The following DNAH12 variants were observed in gnomAD, a reference collection of about 807,000 sequenced individuals.
The protein encoded by DNAH12 is dynein axonemal heavy chain 12.
Under a neutral mutation model 371.5 loss-of-function variants are expected in DNAH12, and 285 were observed. The ratio of observed to expected loss-of-function variants is 0.77; its 90% CI spans 0.70 to 0.85. The LOEUF is 0.85. Ranked by LOEUF, DNAH12 falls within the 40% of genes least tolerant of loss-of-function variation. The pLI is 0.00. For synonymous variants in DNAH12, 1,200 were observed against 1,213.0 expected (o/e 0.99, Z 0.22); for missense variants, 3,611 against 3,689.4 (o/e 0.98, Z 0.55).
chr3:57,305,874 C>G (rs2061459067), intron 69 of DNAH12, among the ~76,000 whole-genome samples: 1 of 152,188 alleles, frequency 6.6e-6, no homozygotes, highest in African/African-American at 2.4e-5. Context: ...AGCCACGTCT[C>G]CAGCACACAA....
chr3:57,304,757 C>A (rs1026619862), intron 69 of DNAH12, among the ~76,000 whole-genome samples: 5 of 152,194 alleles, frequency 3.3e-5, no homozygotes, highest in Non-Finnish European at 5.9e-5. Flanking sequence ...ACCCCCCGAC[C>A]CCTTTTCTCC....
At chr3:57,442,896 G>T (rs2065353931) in intron 29 of DNAH12, among the ~76,000 whole-genome samples, 1 of 152,104 alleles carries the variant, frequency 6.6e-6, no homozygotes, top group Non-Finnish European at 1.5e-5. Context: ...CAAACAAAAA[G>T]ATTTTGCAGT....
the DNAH12 span, among the ~76,000 whole-genome samples, chr3:57,552,295 A>T: frequency 6.6e-6 from 1 of 151,612 alleles, no homozygotes; most frequent in Non-Finnish European, 1.5e-5. Context: ...GGGCTCAAAC[A>T]ATCCTCCCGT....
chr3:57,302,058 C>T (rs1029484197), intron 69 of DNAH12, 119 bp from the exon 70 acceptor site: 1 of 1,030,724 alleles, frequency 9.7e-7, no homozygotes, highest in East Asian at 2.6e-5. Flanking sequence ...CAAAATGTGT[C>T]ACCTCCCATG....
At chr3:57,363,454 T>C (rs2153330352) in intron 58 of DNAH12, 140 bp downstream of exon 58, 1 of 152,320 alleles carries the variant, frequency 6.6e-6, no homozygotes, top group Admixed American at 6.5e-5. Context: ...ATTTATGTTT[T>C]GGTATTTTAT....
chr3:57,358,557 C>T (rs1283315732), intron 58 of DNAH12, among the ~76,000 whole-genome samples: 2 of 151,980 alleles, frequency 1.3e-5, no homozygotes, highest in Non-Finnish European at 2.9e-5. Context: ...CAAACTTTCC[C>T]CAAAATTACA....
intron 25 of DNAH12, among the ~76,000 whole-genome samples, chr3:57,451,889 T>A (rs948372346): frequency 1.3e-5 from 2 of 151,874 alleles, no homozygotes; most frequent in African/African-American, 4.8e-5. Flanking sequence ...ATCTCAGGAG[T>A]TGGGTGAGTG....
chr3:57,499,673 T>TATATATATATATATATATATATATATAC (rs771112538), intron 11 of DNAH12, among the ~76,000 whole-genome samples: 2 of 44,452 alleles, frequency 4.5e-5, no homozygotes, highest in African/African-American at 1.8e-4. Context: ...TATATATATA[T>TATATATATATATATATATATATATATAC]ATACTTCTTA....
chr3:57,462,517 G>A (rs879715781), intron 18 of DNAH12, among the ~76,000 whole-genome samples, 173 bp downstream of exon 18: 5 of 152,054 alleles, frequency 3.3e-5, no homozygotes, highest in Admixed American at 6.5e-5. Flanking sequence ...CTCCCACAGT[G>A]CTAGGATTAC....
At chr3:57,389,701 T>C (rs1407798594) in intron 45 of DNAH12, among the ~76,000 whole-genome samples, 3 of 151,222 alleles carry the variant, frequency 2.0e-5, no homozygotes, top group African/African-American at 4.9e-5. Context: ...TCAAGACCCA[T>C]TGGCAAGGAA....
chr3:57,296,448 G>T lies in DNAH12; in HGVS notation c.11533-13C>A. 1 of 1,532,836 alleles carries T rather than the reference G, an allele frequency of 6.5e-7. No homozygotes were observed. The highest frequency in any genetic ancestry group is 8.8e-7 in the Non-Finnish European group (1 of 1,130,880). The allele number at this position is 1,532,836 out of a possible 1,614,324, so 95.0% of individuals were successfully genotyped here. A position where few individuals can be genotyped will look rare whatever the true frequency, so the allele number is the denominator to read the frequency against. On this transcript the variant is annotated splice_polypyrimidine_tract_variant and intron_variant, in intron 71 of 73. Transcript: ENST00000495027. ...CAGATGGGATAACCTGAAGGGATAG[G>T]CACACACTAGCAGTGATCCTCTCCA...
intron 7 of DNAH12, among the ~76,000 whole-genome samples, 168 bp from the exon 8 acceptor site, chr3:57,508,006 G>A (rs1424347551): frequency 6.6e-6 from 1 of 151,852 alleles, no homozygotes; most frequent in East Asian, 1.9e-4. Flanking sequence ...GGCCAACATG[G>A]TAAAACCCCA....
chr3:57,419,108 A>G (rs2064483244), intron 37 of DNAH12, among the ~76,000 whole-genome samples: 1 of 152,222 alleles, frequency 6.6e-6, no homozygotes, highest in Non-Finnish European at 1.5e-5. Flanking sequence ...GCAGGCTTTC[A>G]GTGTGCTGTT....
intron 62 of DNAH12, among the ~76,000 whole-genome samples, chr3:57,331,141 C>T (rs2062085856): frequency 6.6e-6 from 1 of 152,060 alleles, no homozygotes; most frequent in Non-Finnish European, 1.5e-5. Flanking sequence ...TAGTGGGAGA[C>T]CCTAAAAAGT....
intron 45 of DNAH12, among the ~76,000 whole-genome samples, chr3:57,390,416 A>ATATATATATATATATATAT: frequency 3.2e-5 from 1 of 31,504 alleles, no homozygotes; most frequent in African/African-American, 6.1e-5. Context: ...CTCAAAAAAA[A>ATATATATATATATATATAT]AAAAAAAAAT....
At chr3:57,389,633 T>C (rs2153346414) in intron 45 of DNAH12, among the ~76,000 whole-genome samples, 1 of 151,878 alleles carries the variant, frequency 6.6e-6, no homozygotes, top group Non-Finnish European at 1.5e-5. Flanking sequence ...TCTTACCATG[T>C]GACTCCTTTT....
At chr3:57,514,318 C>T (rs369688305) in intron 4 of DNAH12, among the ~76,000 whole-genome samples, 4 of 150,648 alleles carry the variant, frequency 2.7e-5, no homozygotes, top group South Asian at 2.1e-4. Flanking sequence ...CGCTTGAACC[C>T]GGGAGGCAGA....
chr3:57,338,170 G>A (rs542970458), intron 60 of DNAH12, among the ~76,000 whole-genome samples: 2 of 152,164 alleles, frequency 1.3e-5, no homozygotes, highest in African/African-American at 4.8e-5. Flanking sequence ...GCGACGCCAT[G>A]CCTGACTGGT....
rs2063932421 is a variant in DNAH12, at chr3:57,403,488, G to A, written c.6769C>T (p.His2257Tyr). ...NLVIFRYVLEHLSRICRVLKQ... is the reference protein window; with the variant it reads ...NLVIFRYVLEYLSRICRVLKQ... ...AGAACTCGACATATTCTTGATAAAT[G>A]TTCCAAAACATACCTACCACAAAAG... The change falls in exon 43 of 74, where the codon CAT (histidine) becomes TAT (tyrosine). Residue 2257 changes from histidine (H) to tyrosine (Y), a missense_variant. Around this residue, in one of 3 missense-constraint regions of DNAH12, gnomAD observed 2,266 missense variants for 2,236.9 expected, o/e 1.01. Coordinates refer to ENST00000495027, the MANE Select transcript of DNAH12 (RefSeq NM_001366028.2). 1.9e-6 allele frequency: 3 copies of A among 1,546,212 alleles called. No homozygotes were observed. Among genetic ancestry groups the A allele is most frequent in the Non-Finnish European group, 2.6e-6 (3 of 1,144,978 alleles).
Sources: allele counts gnomAD v4.1 joint callset (sites outside exome capture counted in the v4.1 genomes callset), GRCh38; gene constraint gnomAD v4.1.1; regional missense constraint gnomAD v4.1.1; transcripts MANE v1.5; gene names NCBI Gene and HGNC (gene_info 2026-07-23, HGNC 2026-07-21).